Variants in HACD2 observed in about 807,000 individuals in gnomAD.
HACD2 encodes the protein very-long-chain (3R)-3-hydroxyacyl-CoA dehydratase 2.
A neutral mutation model predicts 31.0 loss-of-function variants in HACD2; 15 were observed. The ratio of observed to expected loss-of-function variants is 0.48; its 90% CI spans 0.32 to 0.75. The LOEUF (loss-of-function observed/expected upper bound fraction) is 0.75, where lower values mean the gene tolerates loss of function less well. Ranked by LOEUF, HACD2 falls within the 30% of genes least tolerant of loss-of-function variation. The pLI is 0.03. For missense variants in HACD2, 283 were observed against 313.0 expected, an observed-to-expected ratio of 0.90 and a Z score of 0.72; for synonymous variants, 115 against 122.2, an observed-to-expected ratio of 0.94 and a Z score of 0.39.
Position 123,503,292 on chromosome 3 carries a change from T to C in HACD2, c.382-611A>G, listed in dbSNP as rs1026216110. On this transcript the variant is annotated intron_variant, in intron 4 of 6. Transcript: ENST00000383657. ...AAAAAAAAAAAAGCACAACTGAAGA[T>C]GAGGCTAGCTCACAGAGCAAGAAGA... Among the ~76,000 whole-genome samples the C allele has an allele frequency of 5.4e-5, 8 of 147,514 alleles. No individual in the cohort carries two copies. The East Asian group carries it at 1.6e-3, about 29-fold the overall frequency.
chr3:123,504,407 T>A (rs2055946752), intron 4 of HACD2, among the ~76,000 whole-genome samples: 2 of 152,158 alleles, frequency 1.3e-5, no homozygotes, highest in Admixed American at 6.5e-5. Flanking sequence ...TTTTCACAAG[T>A]AAGAGCTCAA....
At chr3:123,584,044 C>A (rs2056995223) in intron 1 of HACD2, among the ~76,000 whole-genome samples, 1 of 152,172 alleles carries the variant, frequency 6.6e-6, no homozygotes. Flanking sequence ...ATCCTCCTCA[C>A]CAAAATGACA....
chr3:123,545,968 C>T (rs1576768373), intron 3 of HACD2, among the ~76,000 whole-genome samples: 1 of 152,102 alleles, frequency 6.6e-6, no homozygotes, highest in South Asian at 2.1e-4. Context: ...GCCTCAGCCT[C>T]CCAAAGTGCT....
chr3:123,519,158 A>C (rs906833030), intron 4 of HACD2, among the ~76,000 whole-genome samples: 3 of 152,134 alleles, frequency 2.0e-5, no homozygotes, highest in African/African-American at 7.2e-5. Flanking sequence ...GAAGAAAACA[A>C]AAGTTAAAAA....
intron 3 of HACD2, among the ~76,000 whole-genome samples, chr3:123,557,397 A>G (rs2056683997): frequency 6.6e-6 from 1 of 152,192 alleles, no homozygotes; most frequent in Non-Finnish European, 1.5e-5. Context: ...GCCTTAAAAG[A>G]TACTTTACCA....
intron 3 of HACD2, among the ~76,000 whole-genome samples, chr3:123,540,540 T>C (rs1238058097): frequency 5.3e-5 from 8 of 152,226 alleles, no homozygotes; most frequent in Admixed American, 5.2e-4. Flanking sequence ...AATGTGAAGA[T>C]AATAGATGTC....
intron 4 of HACD2, among the ~76,000 whole-genome samples, chr3:123,517,825 T>A (rs1325213807): frequency 6.6e-6 from 1 of 152,244 alleles, no homozygotes; most frequent in Non-Finnish European, 1.5e-5. Context: ...ACACCATCTC[T>A]TGGACCAGAA....
At chr3:123,517,622 C>T (rs2056154540) in intron 4 of HACD2, among the ~76,000 whole-genome samples, 1 of 152,192 alleles carries the variant, frequency 6.6e-6, no homozygotes. Flanking sequence ...GCCCCCAAAT[C>T]TCCAAATGCA....
chr3:123,584,093 C>T (rs2056996176), intron 1 of HACD2, among the ~76,000 whole-genome samples: 1 of 152,192 alleles, frequency 6.6e-6, no homozygotes, highest in African/African-American at 2.4e-5. Context: ...CTTCATCACC[C>T]AGACCAACCC....
intron 2 of HACD2, among the ~76,000 whole-genome samples, chr3:123,572,813 C>G (rs2056869467): frequency 6.6e-6 from 1 of 152,166 alleles, no homozygotes; most frequent in African/African-American, 2.4e-5. Flanking sequence ...CTTTCAAGAC[C>G]TCAGCTGCAG....
chr3:123,543,083 G>A (rs1455551980), intron 3 of HACD2, among the ~76,000 whole-genome samples: 1 of 152,152 alleles, frequency 6.6e-6, no homozygotes. Flanking sequence ...TATGAACAGA[G>A]GGCTGTATAA....
At chr3:123,553,164 G>C (rs1301995120) in intron 3 of HACD2, among the ~76,000 whole-genome samples, 1 of 152,166 alleles carries the variant, frequency 6.6e-6, no homozygotes, top group East Asian at 1.9e-4. Context: ...GCATGTCCTA[G>C]TAAAACTATT....
intron 5 of HACD2, among the ~76,000 whole-genome samples, chr3:123,501,433 C>G (rs2055900996): frequency 6.6e-6 from 1 of 152,230 alleles, no homozygotes; most frequent in South Asian, 2.1e-4. Context: ...AAGGAATCAT[C>G]AGCTCAGACT....
At chr3:123,536,940 A>T (rs1201385681) in intron 3 of HACD2, among the ~76,000 whole-genome samples, 1 of 152,234 alleles carries the variant, frequency 6.6e-6, no homozygotes, top group Non-Finnish European at 1.5e-5. Flanking sequence ...GAGAAACACA[A>T]GCTGTCAGAA....
At chr3:123,527,509 C>A (rs1454831512) in intron 4 of HACD2, among the ~76,000 whole-genome samples, 1 of 152,136 alleles carries the variant, frequency 6.6e-6, no homozygotes, top group Non-Finnish European at 1.5e-5. Context: ...GTTATCAGTG[C>A]TTGTGTTCAA....
intron 3 of HACD2, among the ~76,000 whole-genome samples, chr3:123,565,690 CA>C (rs562122548): frequency 5.9e-4 from 90 of 152,164 alleles, no homozygotes; most frequent in Non-Finnish European, 1.2e-3. Context: ...TATACAGAGA[CA>C]GCTGAAGGTT....
intron 2 of HACD2, among the ~76,000 whole-genome samples, chr3:123,569,430 A>T (rs538657720): frequency 2.6e-5 from 4 of 152,298 alleles, no homozygotes; most frequent in African/African-American, 9.6e-5. Flanking sequence ...GTGCAATTAC[A>T]GCTCCCTGCA....
In HACD2 at chr3:123,494,489, A is replaced by G. The variant is rs143622126; in HGVS notation, c.*399T>C. On this transcript the variant is annotated 3_prime_UTR_variant, in exon 7 of 7. Transcript: ENST00000383657. ...TGCTAAACACACTGCAGACTGAAAC[A>G]TAACTATACTGCAAGCTGGGCTATT... 86 of 234,872 alleles carry G rather than the reference A, an allele frequency of 3.7e-4. No individual in the cohort carries two copies. The highest frequency in any genetic ancestry group is 2.0e-3 in the African/African-American group (83 of 42,268). 14.5% of individuals were successfully genotyped at this position (234,872 alleles called of 1,614,324 possible).
intron 4 of HACD2, among the ~76,000 whole-genome samples, chr3:123,507,533 C>T (rs9834388): frequency 0.03 from 4,544 of 152,100 alleles, 76 homozygotes; most frequent in Middle Eastern, 0.088. Context: ...TTATATGATT[C>T]CATTTATATG....
Sources: allele counts gnomAD v4.1 joint callset (sites outside exome capture counted in the v4.1 genomes callset), GRCh38; gene constraint gnomAD v4.1.1; transcripts MANE v1.5; gene names NCBI Gene and HGNC (gene_info 2026-07-23, HGNC 2026-07-21).